Variants in COQ3 observed in about 807,000 individuals in gnomAD.
The protein encoded by COQ3 is coenzyme Q3, methyltransferase, also known as ubiquinone biosynthesis O-methyltransferase, mitochondrial.
COQ3 carries 29 observed loss-of-function variants against 33.1 expected under a neutral mutation model. The observed-to-expected ratio is 0.88, with a 90% CI of 0.65 to 1.19. The LOEUF is 1.19. Among genes scored for constraint, COQ3 ranks in the 50% most tolerant of loss-of-function variants. The probability of loss-of-function intolerance (pLI) is 0.00; values close to 1 mark genes in which losing one functional copy is unlikely to be tolerated. For missense variants in COQ3, 437 were observed against 430.7 expected (o/e 1.01, Z -0.13); for synonymous variants, 173 against 157.8 (o/e 1.10, Z -0.72).
intron 1 of COQ3, among the ~76,000 whole-genome samples, chr6:99,384,278 T>C (rs1008782395): frequency 6.6e-6 from 1 of 152,220 alleles, no homozygotes. Context: ...TTTAAGATTT[T>C]ACCTAAAAAA....
chr6:99,386,169 T>C (rs1394002375), intron 1 of COQ3, among the ~76,000 whole-genome samples: 1 of 151,762 alleles, frequency 6.6e-6, no homozygotes, highest in Admixed American at 6.6e-5. Context: ...GGGGCTCACA[T>C]CTGTAAACCC....
chr6:99,370,775 T>C (rs1255911962), intron 6 of COQ3, among the ~76,000 whole-genome samples: 2 of 151,728 alleles, frequency 1.3e-5, no homozygotes, highest in Non-Finnish European at 2.9e-5. Context: ...GCATTAGAAA[T>C]ATAGGAGTCT....
At chr6:99,378,139 T>C (rs1411724558) in intron 3 of COQ3, among the ~76,000 whole-genome samples, 1 of 30,488 alleles carries the variant, frequency 3.3e-5, no homozygotes, top group African/African-American at 6.1e-5. Flanking sequence ...TATATATATA[T>C]ATATATATAT....
At position 99,370,474 on chromosome 6, in the gene COQ3, G is replaced by A. The variant is rs539600623; in HGVS notation, c.890-654C>T. 4.5e-4 allele frequency among the ~76,000 whole-genome samples: 67 copies of A among 149,500 alleles called. No individual in the cohort carries two copies. In the South Asian group the frequency reaches 0.014, roughly 32 times the overall value. On this transcript the variant is annotated intron_variant, in intron 6 of 6. Coordinates refer to ENST00000254759, the MANE Select transcript of COQ3 (RefSeq NM_017421.4). ...AGTGATTCTCCTGCCTCAGACTCTC[G>A]AGGAGCTGGGATTACAGGCATGCAC...
chr6:99,390,041 G>A (rs1489202114), intron 1 of COQ3, among the ~76,000 whole-genome samples: 2 of 152,264 alleles, frequency 1.3e-5, no homozygotes, highest in East Asian at 3.9e-4. Flanking sequence ...TTGAACCCGG[G>A]AGGTGGAGAT....
chr6:99,369,953 G>T (rs1177144913), intron 6 of COQ3, 133 bp from the exon 7 acceptor site: 2 of 628,320 alleles, frequency 3.2e-6, no homozygotes, highest in Non-Finnish European at 5.5e-6. Flanking sequence ...GAAAAAAAAA[G>T]GATTCCTAAC....
At chr6:99,391,472 GT>G (rs1406316049) in intron 1 of COQ3, among the ~76,000 whole-genome samples, 2 of 151,930 alleles carry the variant, frequency 1.3e-5, no homozygotes, top group African/African-American at 2.4e-5. Flanking sequence ...ATCACCTCCT[GT>G]ATGACTTTAG....
At chr6:99,378,221 A>C (rs528509845) in intron 3 of COQ3, among the ~76,000 whole-genome samples, 44 of 146,054 alleles carry the variant, frequency 3.0e-4, no homozygotes, top group African/African-American at 1.1e-3. Flanking sequence ...ATTAAAATAA[A>C]TATTATTCAT....
Position 99,380,349 on chromosome 6 carries a change from G to A in COQ3, c.234-8C>T. On this transcript the variant is annotated splice_region_variant and splice_polypyrimidine_tract_variant and intron_variant, in intron 2 of 6. Transcript: ENST00000254759. ...AGTCTCGCCCAAGGGTACCTAAAAGGTGAAAATGAAGAACCAAGCAAATAC... is the reference window on the plus strand; with the variant it reads ...AGTCTCGCCCAAGGGTACCTAAAAGATGAAAATGAAGAACCAAGCAAATAC... 6.2e-7 allele frequency: 1 copy of A among 1,612,416 alleles called. No homozygotes were observed. Among genetic ancestry groups the A allele is most frequent in the South Asian group, 1.1e-5 (1 of 90,884 alleles).
rs377313779 is a variant in COQ3 at position 99,380,292 on chromosome 6, C to T, written c.283G>A (p.Gly95Ser). The T allele has an allele frequency of 1.2e-5, 19 of 1,613,912 alleles. No individual in the cohort carries two copies. In the African/African-American group the frequency reaches 1.7e-4, roughly 15 times the overall value. Residue 95 changes from glycine (G) to serine (S), a missense_variant, in exon 3 of 7, where the codon GGT becomes AGT. Transcript: ENST00000254759. ...YSTSQTTVDS[G>S]EVKTFLALAH... ...AGGGCCAAGAAGGTTTTTACCTCAC[C>T]GCTGTCGACAGTGGTTTGGGAAGTA...
At chr6:99,389,674 A>G (rs1159264033) in intron 1 of COQ3, among the ~76,000 whole-genome samples, 2 of 152,154 alleles carry the variant, frequency 1.3e-5, no homozygotes, top group African/African-American at 2.4e-5. Flanking sequence ...AGCACAATAC[A>G]CTCATTCTGA....
intron 1 of COQ3, among the ~76,000 whole-genome samples, chr6:99,385,383 T>C (rs1033364158): frequency 6.6e-6 from 1 of 152,170 alleles, no homozygotes; most frequent in Non-Finnish European, 1.5e-5. Context: ...TTCATAAAGA[T>C]AGACCATATC....
intron 1 of COQ3, among the ~76,000 whole-genome samples, chr6:99,385,208 G>A (rs1255130654): frequency 6.6e-6 from 1 of 152,196 alleles, no homozygotes; most frequent in Non-Finnish European, 1.5e-5. Context: ...GTAAGTTGGA[G>A]ACTTCAACAC....
At chr6:99,391,819 T>A (rs1230624902) in intron 1 of COQ3, among the ~76,000 whole-genome samples, 1 of 152,050 alleles carries the variant, frequency 6.6e-6, no homozygotes, top group Non-Finnish European at 1.5e-5. Context: ...GACAATGTGG[T>A]GAAACCCCTT....
At chr6:99,391,935 G>A (rs958284164) in intron 1 of COQ3, among the ~76,000 whole-genome samples, 1 of 152,100 alleles carries the variant, frequency 6.6e-6, no homozygotes, top group African/African-American at 2.4e-5. Context: ...GGAGGCCAAG[G>A]CTGCCGTGAA....
At position 99,388,676 on chromosome 6, in the gene COQ3, C is replaced by G. The variant is rs575790808; in HGVS notation, c.107-4852G>C. ...TAGTCTGGCCAACATGGTGAAACTCCGTCTCTACTAAAAATAAAAAAATTA... is the reference window on the plus strand; with the variant it reads ...TAGTCTGGCCAACATGGTGAAACTCGGTCTCTACTAAAAATAAAAAAATTA... On this transcript the variant is annotated intron_variant, in intron 1 of 6. Coordinates refer to ENST00000254759, the MANE Select transcript of COQ3 (RefSeq NM_017421.4). Among the ~76,000 whole-genome samples the G allele has an allele frequency of 2.8e-4, 43 of 151,872 alleles. 1 individual carries two copies. The East Asian group carries it at 5.8e-3, about 21-fold the overall frequency.
chr6:99,394,004 C>A (rs768539228), intron 1 of COQ3, 70 bp downstream of exon 1: 20 of 1,353,962 alleles, frequency 1.5e-5, no homozygotes, highest in Non-Finnish European at 1.9e-5. Flanking sequence ...CGCCCCACCC[C>A]CGGCGCATGC....
chr6:99,380,485 A>C (rs1774442145), intron 2 of COQ3, 144 bp from the exon 3 acceptor site: 1 of 766,566 alleles, frequency 1.3e-6, no homozygotes. Flanking sequence ...CTTTAAAACC[A>C]AGTTTTCTTA....
intron 1 of COQ3, among the ~76,000 whole-genome samples, chr6:99,391,273 AT>A (rs552777991): frequency 5.1e-4 from 70 of 137,356 alleles, no homozygotes; most frequent in Middle Eastern, 3.8e-3. Flanking sequence ...TAAATTTTGT[AT>A]TTTTTTTTTT....
Sources: allele counts gnomAD v4.1 joint callset (sites outside exome capture counted in the v4.1 genomes callset), GRCh38; gene constraint gnomAD v4.1.1; transcripts MANE v1.5; gene names NCBI Gene and HGNC (gene_info 2026-07-23, HGNC 2026-07-21).